UNC13C: variants seen among roughly 807,000 people sequenced by gnomAD.
The protein encoded by UNC13C is unc-13 homolog C, also known as protein unc-13 homolog C.
In UNC13C, 174 loss-of-function variants were observed where a neutral mutation model predicts 245.4. That is an observed-to-expected ratio of 0.71 (90% CI 0.63 to 0.80). UNC13C has a LOEUF of 0.80. UNC13C is among the 30% of genes least tolerant of loss of function. The pLI, the probability that UNC13C is intolerant of heterozygous loss-of-function variation, is 0.00. For synonymous variants in UNC13C, 992 were observed against 895.1 expected (o/e 1.11, Z -1.93); for missense variants, 2,829 against 2,602.9 (o/e 1.09, Z -1.89).
chr15:54,523,602 A>G (rs62022405), intron 24 of UNC13C, among the ~76,000 whole-genome samples: 1 of 152,152 alleles, frequency 6.6e-6, no homozygotes. Context: ...AAAATAGCAT[A>G]ATTTTGTGCA....
chr15:54,555,282 T>C, intron 28 of UNC13C, 150 bp from the exon 29 acceptor site: 2 of 628,706 alleles, frequency 3.2e-6, no homozygotes, highest in Non-Finnish European at 5.6e-6. Flanking sequence ...ATAAAATATA[T>C]GACAATCATT....
intron 19 of UNC13C, among the ~76,000 whole-genome samples, chr15:54,480,759 G>T (rs987283825): frequency 1.3e-5 from 2 of 152,106 alleles, no homozygotes; most frequent in Non-Finnish European, 2.9e-5. Flanking sequence ...TTGCTTTGCA[G>T]GTGTCATGTT....
chr15:53,896,493 T>G, the UNC13C span, among the ~76,000 whole-genome samples: 1 of 152,146 alleles, frequency 6.6e-6, no homozygotes, highest in Admixed American at 6.6e-5. Context: ...TGTTGGATAT[T>G]AGTATGAGTA....
intron 2 of UNC13C, among the ~76,000 whole-genome samples, chr15:54,058,849 A>G (rs1405669340): frequency 6.6e-6 from 1 of 152,244 alleles, no homozygotes; most frequent in South Asian, 2.1e-4. Context: ...AAACAGAACC[A>G]AAGACAAAAA....
At chr15:53,943,356 C>T in the UNC13C span, among the ~76,000 whole-genome samples, 1 of 151,992 alleles carries the variant, frequency 6.6e-6, no homozygotes, top group African/African-American at 2.4e-5. Flanking sequence ...AAATTGACCA[C>T]TTACTTTTTC....
At chr15:54,039,425 A>G (rs1369536947) in intron 2 of UNC13C, among the ~76,000 whole-genome samples, 1 of 152,194 alleles carries the variant, frequency 6.6e-6, no homozygotes, top group Non-Finnish European at 1.5e-5. Context: ...GGTGTTGCAT[A>G]TCCCTTGGGT....
chr15:54,505,819 G>A (rs1302031235), intron 22 of UNC13C, among the ~76,000 whole-genome samples: 2 of 133,324 alleles, frequency 1.5e-5, no homozygotes, highest in Non-Finnish European at 3.1e-5. Context: ...TGTGCACTTT[G>A]TCTTACCTGC....
At chr15:54,587,843 G>T (rs1334164586) in intron 30 of UNC13C, among the ~76,000 whole-genome samples, 1 of 152,146 alleles carries the variant, frequency 6.6e-6, no homozygotes, top group African/African-American at 2.4e-5. Flanking sequence ...GTAAGATACT[G>T]ACATGTTCAA....
chr15:54,490,121 T>C (rs1893628643), intron 19 of UNC13C, among the ~76,000 whole-genome samples: 1 of 152,172 alleles, frequency 6.6e-6, no homozygotes, highest in Non-Finnish European at 1.5e-5. Flanking sequence ...GAAGCAACTT[T>C]GTAAGGAGGA....
intron 19 of UNC13C, among the ~76,000 whole-genome samples, chr15:54,438,442 G>T (rs1250864151): frequency 6.6e-6 from 1 of 151,938 alleles, no homozygotes; most frequent in Non-Finnish European, 1.5e-5. Flanking sequence ...TTGTAAGCAA[G>T]CACATTTTTA....
intron 4 of UNC13C, among the ~76,000 whole-genome samples, chr15:54,191,046 C>T (rs1362678436): frequency 6.6e-6 from 1 of 152,072 alleles, no homozygotes; most frequent in African/African-American, 2.4e-5. Flanking sequence ...AGTTCCTTAA[C>T]TTTTTAAGCA....
At chr15:54,159,138 A>T (rs2032871980) in intron 4 of UNC13C, among the ~76,000 whole-genome samples, 1 of 152,148 alleles carries the variant, frequency 6.6e-6, no homozygotes, top group Non-Finnish European at 1.5e-5. Context: ...ACCATTAAAC[A>T]TCTCCCTGCT....
chr15:54,356,766 A>G (rs1382228415), intron 17 of UNC13C, among the ~76,000 whole-genome samples: 1 of 152,218 alleles, frequency 6.6e-6, no homozygotes, highest in African/African-American at 2.4e-5. Flanking sequence ...GATACCCAAC[A>G]TTCAGACCGT....
rs868715709 is a variant in UNC13C, at chr15:54,117,568, A to G, written c.2984-25450A>G. On this transcript the variant is annotated intron_variant, in intron 2 of 32. Transcript: ENST00000260323. ...CTCTCTCTCTCTCTCTCTCTCTCTC[A>G]TTTTCTCTATCTCTAGCTCTCTCTC... Among the ~76,000 whole-genome samples the G allele has an allele frequency of 2.8e-3, 136 of 48,846 alleles. 1 individual carries two copies. Among genetic ancestry groups the G allele is most frequent in the Middle Eastern group, 0.023 (2 of 88 alleles). The allele number at this position is 48,846 out of a possible 152,430, so 32.0% of individuals were successfully genotyped here.
intron 32 of UNC13C, 35 bp downstream of exon 32, chr15:54,623,989 G>A: frequency 6.2e-7 from 1 of 1,611,220 alleles, no homozygotes; most frequent in Non-Finnish European, 8.5e-7. Context: ...ATTCTACCAG[G>A]CAATAGTTAC....
At chr15:54,357,121 C>T (rs1162806399) in intron 17 of UNC13C, among the ~76,000 whole-genome samples, 1 of 151,806 alleles carries the variant, frequency 6.6e-6, no homozygotes, top group Admixed American at 6.6e-5. Context: ...ACTACAGTCC[C>T]CACTTTGAGA....
chr15:54,305,648 C>G (rs928048128), intron 13 of UNC13C, among the ~76,000 whole-genome samples: 3 of 151,974 alleles, frequency 2.0e-5, no homozygotes. Context: ...AACCAACCAA[C>G]GAAAGAACAA....
intron 1 of UNC13C, among the ~76,000 whole-genome samples, chr15:53,984,327 A>G (rs967680822): frequency 2.0e-5 from 3 of 152,088 alleles, no homozygotes. Flanking sequence ...ATTTTATACA[A>G]TTCCACAGTA....
chr15:54,180,681 A>G lies in UNC13C; in HGVS notation c.3071+36997A>G, dbSNP rs537424577. 7.9e-5 allele frequency among the ~76,000 whole-genome samples: 12 copies of G among 151,918 alleles called. No individual in the cohort carries two copies. The East Asian group carries it at 2.3e-3, about 29-fold the overall frequency. On this transcript the variant is annotated intron_variant, in intron 4 of 32. Transcript: ENST00000260323. ...CATCTGTTGTTTTTGACTTTTTAAT[A>G]GCCATTCTGATTGGTGTGAAATGGT...
Sources: allele counts gnomAD v4.1 joint callset (sites outside exome capture counted in the v4.1 genomes callset), GRCh38; gene constraint gnomAD v4.1.1; transcripts MANE v1.5; gene names NCBI Gene and HGNC (gene_info 2026-07-23, HGNC 2026-07-21).